The following METTL15 variants were observed in gnomAD, a reference collection of about 807,000 sequenced individuals.
METTL15 encodes methyltransferase 15, mitochondrial 12S rRNA N4-cytidine.
METTL15 carries 34 observed loss-of-function variants against 38.3 expected under a neutral mutation model. The ratio of observed to expected loss-of-function variants is 0.89; its 90% CI spans 0.68 to 1.18. METTL15 has a LOEUF of 1.18. METTL15 is among the 50% of genes most tolerant of loss of function. The pLI is 0.00. For missense variants in METTL15, 438 were observed against 498.4 expected (o/e 0.88, Z 1.15); for synonymous variants, 162 against 170.9 (o/e 0.95, Z 0.41).
At chr11:28,397,279 G>T (rs1329540653) in intron 5 of METTL15, among the ~76,000 whole-genome samples, 3 of 151,906 alleles carry the variant, frequency 2.0e-5, no homozygotes, top group Non-Finnish European at 4.4e-5. Context: ...CACAGCAAAA[G>T]AAACTACCAT....
chr11:28,530,794 A>G (rs990909196), downstream of METTL15, among the ~76,000 whole-genome samples: 4 of 152,058 alleles, frequency 2.6e-5, no homozygotes, highest in Non-Finnish European at 5.9e-5. Context: ...TATTTTAAAA[A>G]TAGGCCCCAA....
chr11:28,320,866 TTG>T (rs1849442637), intron 6 of METTL15, among the ~76,000 whole-genome samples: 1 of 152,166 alleles, frequency 6.6e-6, no homozygotes, highest in Admixed American at 6.5e-5. Flanking sequence ...ACTTAAGTCA[TTG>T]TAAGTCTCTA....
At chr11:28,495,072 A>C (rs1387258412) in intron 6 of METTL15, among the ~76,000 whole-genome samples, 1 of 152,200 alleles carries the variant, frequency 6.6e-6, no homozygotes, top group Non-Finnish European at 1.5e-5. Context: ...TATTCATCAA[A>C]TATCTATTGT....
chr11:28,410,413 G>A (rs1392852410), intron 5 of METTL15, among the ~76,000 whole-genome samples: 1 of 152,058 alleles, frequency 6.6e-6, no homozygotes, highest in African/African-American at 2.4e-5. Flanking sequence ...ACATCAAAGA[G>A]ACTATACATT....
intron 4 of METTL15, among the ~76,000 whole-genome samples, chr11:28,216,156 T>A (rs1373407212): frequency 1.3e-5 from 2 of 152,012 alleles, no homozygotes; most frequent in Admixed American, 1.3e-4. Flanking sequence ...TGCTCCTTAG[T>A]TTGTATGGGG....
At chr11:28,530,556 A>G (rs1424232483), downstream of METTL15, among the ~76,000 whole-genome samples, 2 of 152,138 alleles carry the variant, frequency 1.3e-5, no homozygotes, top group African/African-American at 4.8e-5. Flanking sequence ...ATATCTGCCA[A>G]TTTCCATGGT....
intron 3 of METTL15, among the ~76,000 whole-genome samples, chr11:28,344,326 T>C (rs932955798): frequency 6.6e-6 from 1 of 152,196 alleles, no homozygotes; most frequent in Admixed American, 6.5e-5. Flanking sequence ...GAATGAGCCA[T>C]ATCTTCCTCG....
At chr11:28,520,970 T>G (rs1177678314) in intron 6 of METTL15, among the ~76,000 whole-genome samples, 1 of 152,252 alleles carries the variant, frequency 6.6e-6, no homozygotes, top group Non-Finnish European at 1.5e-5. Context: ...TGGCCAGTTT[T>G]AAGAACTAAG....
chr11:28,219,581 G>A (rs1250519426), intron 4 of METTL15, among the ~76,000 whole-genome samples: 1 of 152,014 alleles, frequency 6.6e-6, no homozygotes, highest in Non-Finnish European at 1.5e-5. Flanking sequence ...TCTGATGTTA[G>A]TTATTTCTTG....
chr11:28,164,777 G>A, intron 3 of METTL15, among the ~76,000 whole-genome samples: 1 of 152,016 alleles, frequency 6.6e-6, no homozygotes, highest in South Asian at 2.1e-4. Context: ...TAGTCATCCT[G>A]CTTTGCAGTA....
intron 3 of METTL15, among the ~76,000 whole-genome samples, chr11:28,177,141 A>G (rs191173720): frequency 6.6e-6 from 1 of 152,038 alleles, no homozygotes; most frequent in African/African-American, 2.4e-5. Context: ...TTTATAAATA[A>G]ACACTGACAG....
chr11:28,160,032 G>A (rs977895242), intron 3 of METTL15, among the ~76,000 whole-genome samples: 3 of 151,926 alleles, frequency 2.0e-5, no homozygotes, highest in East Asian at 1.9e-4. Context: ...AATCTGGGTG[G>A]GCATAATCTC....
chr11:28,236,969 C>G (rs146868877), intron 4 of METTL15, among the ~76,000 whole-genome samples: 1 of 152,126 alleles, frequency 6.6e-6, no homozygotes, highest in Non-Finnish European at 1.5e-5. Flanking sequence ...GCTGAGAGAT[C>G]AGCTGTTAGT....
intron 3 of METTL15, among the ~76,000 whole-genome samples, chr11:28,161,106 C>G (rs1310187510): frequency 1.7e-5 from 1 of 59,740 alleles, no homozygotes; most frequent in Admixed American, 2.9e-4. Flanking sequence ...TTTGCACCTT[C>G]CTTTTTTTTT....
At chr11:28,473,423 G>A (rs1432123020) in intron 6 of METTL15, among the ~76,000 whole-genome samples, 4 of 152,140 alleles carry the variant, frequency 2.6e-5, no homozygotes, top group African/African-American at 4.8e-5. Context: ...GTCTAATGAC[G>A]TTGTTTTTGT....
At chr11:28,198,506 C>G (rs1009964335) in intron 3 of METTL15, among the ~76,000 whole-genome samples, 7 of 152,086 alleles carry the variant, frequency 4.6e-5, no homozygotes, top group African/African-American at 1.7e-4. Context: ...AATGAGTCAT[C>G]ATAGTAACAC....
chr11:28,291,235 C>T (rs551914384), intron 5 of METTL15, among the ~76,000 whole-genome samples: 49 of 151,934 alleles, frequency 3.2e-4, no homozygotes, highest in South Asian at 1.7e-3. Context: ...TTAGTAGAGA[C>T]GGAGTTTCAC....
At chr11:28,314,883 A>G (rs1445040639) in intron 6 of METTL15, among the ~76,000 whole-genome samples, 1 of 152,200 alleles carries the variant, frequency 6.6e-6, no homozygotes, top group Non-Finnish European at 1.5e-5. Context: ...ACAAGCTCTC[A>G]TTTTGCCTGC....
rs189948966 is a variant in METTL15, at chr11:28,377,936, C to T, written c.*358+15900C>T. Among the ~76,000 whole-genome samples, 95 of 152,228 alleles carry T rather than the reference C, an allele frequency of 6.2e-4. 2 individuals are homozygous for T. The highest frequency in any genetic ancestry group is 1.2e-3 in the Non-Finnish European group (80 of 68,024). On this transcript the variant is annotated intron_variant and NMD_transcript_variant, in intron 5 of 7. Coordinates refer to the METTL15 transcript ENST00000532947. ...TGCAGTGTGAGGTGTCAGTGTGTCC[C>T]TGCTGGAGGGTGCCTCCCAGTTAGG... is the stretch of plus-strand genomic sequence containing the variant.
Sources: allele counts gnomAD v4.1 joint callset (sites outside exome capture counted in the v4.1 genomes callset), GRCh38; gene constraint gnomAD v4.1.1; transcripts MANE v1.5; gene names NCBI Gene and HGNC (gene_info 2026-07-23, HGNC 2026-07-21).